The following SPATA6 variants were observed in gnomAD, a reference collection of about 807,000 sequenced individuals.
SPATA6 encodes the protein spermatogenesis associated 6.
A neutral mutation model predicts 65.3 loss-of-function variants in SPATA6; 56 were observed. That is an observed-to-expected ratio of 0.86 (90% confidence interval 0.69 to 1.07). SPATA6 has a LOEUF of 1.07. Ranked by LOEUF, SPATA6 falls within the 50% of genes least tolerant of loss-of-function variation. The probability of loss-of-function intolerance (pLI) is 0.00; values close to 1 mark genes in which losing one functional copy is unlikely to be tolerated. For missense variants in SPATA6, 590 were observed against 594.8 expected, an observed-to-expected ratio of 0.99 and a Z score of 0.08; for synonymous variants, 199 against 213.2, an observed-to-expected ratio of 0.93 and a Z score of 0.58.
At chr1:48,351,851 T>C (rs1646521376) in intron 11 of SPATA6, among the ~76,000 whole-genome samples, 2 of 152,092 alleles carry the variant, frequency 1.3e-5, no homozygotes, top group African/African-American at 2.4e-5. Flanking sequence ...ACTGGTATTG[T>C]GTTCTCCTTA....
intron 9 of SPATA6, among the ~76,000 whole-genome samples, chr1:48,376,684 G>A (rs1013209371): frequency 2.0e-5 from 3 of 151,910 alleles, no homozygotes; most frequent in African/African-American, 4.8e-5. Flanking sequence ...TAACAATGGC[G>A]ATACCTTCTG....
chr1:48,345,951 C>G (rs1021850803), intron 11 of SPATA6, among the ~76,000 whole-genome samples: 2 of 152,052 alleles, frequency 1.3e-5, no homozygotes, highest in Non-Finnish European at 2.9e-5. Flanking sequence ...TGAAACTATT[C>G]CACAAATTTG....
chr1:48,366,050 A>T (rs1252071372), intron 9 of SPATA6, among the ~76,000 whole-genome samples: 1 of 152,216 alleles, frequency 6.6e-6, no homozygotes, highest in East Asian at 1.9e-4. Flanking sequence ...TATTGAGATA[A>T]TCATACGGTA....
chr1:48,313,567 C>T (rs1317675299), intron 11 of SPATA6, among the ~76,000 whole-genome samples: 4 of 152,196 alleles, frequency 2.6e-5, no homozygotes, highest in Non-Finnish European at 5.9e-5. Flanking sequence ...AAAGGAACAA[C>T]TGGTACCAGC....
chr1:48,310,317 C>T (rs541865210), intron 11 of SPATA6, among the ~76,000 whole-genome samples: 21 of 152,244 alleles, frequency 1.4e-4, no homozygotes, highest in African/African-American at 5.1e-4. Flanking sequence ...TTGAAGAAAT[C>T]CTAACTTTAT....
downstream of SPATA6, among the ~76,000 whole-genome samples, chr1:48,292,455 G>A (rs891684027): frequency 6.6e-6 from 1 of 152,244 alleles, no homozygotes; most frequent in Non-Finnish European, 1.5e-5. Context: ...ATAGCAGCAA[G>A]TGCACCTGCA....
At chr1:48,469,300 T>C (rs1658045997) in intron 1 of SPATA6, among the ~76,000 whole-genome samples, 1 of 152,190 alleles carries the variant, frequency 6.6e-6, no homozygotes, top group African/African-American at 2.4e-5. Context: ...CAGTTATTCA[T>C]TGAACTATTC....
intron 11 of SPATA6, among the ~76,000 whole-genome samples, chr1:48,345,940 C>G (rs1011502183): frequency 6.6e-6 from 1 of 152,062 alleles, no homozygotes; most frequent in Non-Finnish European, 1.5e-5. Context: ...ACTATTCTTA[C>G]TGAAACTATT....
At chr1:48,299,261 C>A (rs767158382) in intron 12 of SPATA6, among the ~76,000 whole-genome samples, 13 of 151,922 alleles carry the variant, frequency 8.6e-5, no homozygotes, top group Non-Finnish European at 1.5e-4. Flanking sequence ...CGCCTATAAT[C>A]CCAGCACTTT....
the SPATA6 span, among the ~76,000 whole-genome samples, chr1:48,280,298 C>G: frequency 1.3e-5 from 2 of 152,076 alleles, no homozygotes; most frequent in African/African-American, 4.8e-5. Context: ...CAAACACATT[C>G]AAAAGCTAGC....
chr1:48,374,609 C>T (rs564218195), intron 9 of SPATA6, among the ~76,000 whole-genome samples: 1 of 152,292 alleles, frequency 6.6e-6, no homozygotes, highest in African/African-American at 2.4e-5. Context: ...ACCTGAGCAA[C>T]AGACTGCTCA....
rs76203297 is a variant in SPATA6, at chr1:48,410,457, T to G, written c.405+1007A>C. ...CCAAACTGTTCCTCCATCTGCCCAT[T>G]ACCCAGTTCCAAATTCACTTCCACA... On this transcript the variant is annotated intron_variant, in intron 5 of 12. Coordinates refer to ENST00000371847, the MANE Select transcript of SPATA6 (RefSeq NM_019073.4). Among the ~76,000 whole-genome samples, 150 of 152,320 alleles carry G rather than the reference T, an allele frequency of 9.8e-4. 5 individuals are homozygous for G. The East Asian group carries it at 0.025, about 25-fold the overall frequency.
chr1:48,463,391 G>C (rs1045769666), intron 1 of SPATA6, among the ~76,000 whole-genome samples: 4 of 151,932 alleles, frequency 2.6e-5, no homozygotes, highest in Non-Finnish European at 5.9e-5. Flanking sequence ...TTACACACAC[G>C]TAAATCTTAT....
At position 48,298,747 on chromosome 1, in the gene SPATA6, C is replaced by T. The variant is rs1056042; in HGVS notation, c.1433G>A (p.Cys478Tyr). The change falls in exon 13 of 13, where the codon TGT becomes TAT. Residue 478 changes from cysteine (C) to tyrosine (Y), a missense_variant. Physicochemically the swap from Cys to Tyr is radical, Grantham distance 194. Coordinates refer to ENST00000371847, the MANE Select transcript of SPATA6 (RefSeq NM_019073.4). Reference sequence around the variant, plus strand: ...TTCCTGTGTATGTGAAGCAGAACTACAGGCCTTTTTGTATAAGTTCCTGTA... The same window carrying T: ...TTCCTGTGTATGTGAAGCAGAACTATAGGCCTTTTTGTATAAGTTCCTGTA... ...KMYRNLYKKA[C>Y]SSASHTQESF 637,069 of 1,613,140 alleles carry T rather than the reference C, an allele frequency of 0.39. 131,040 individuals carry two copies. The highest frequency in any genetic ancestry group is 0.42 in the Non-Finnish European group (496,875 of 1,179,442).
At position 48,435,818 on chromosome 1, in the gene SPATA6, CT is replaced by C. The variant is rs897746077; in HGVS notation, c.238+15733del. ...GCGAGCAGGGCTCTGGCGCCCGCCC[CT>C]GTCCGCACCGCTGGCAGCCTGAAGA... On this transcript the variant is annotated intron_variant, in intron 3 of 12. Coordinates refer to ENST00000371847, the MANE Select transcript of SPATA6 (RefSeq NM_019073.4). 31 of 883,916 alleles carry C rather than the reference CT, an allele frequency of 3.5e-5. No homozygotes were observed. The African/African-American group carries it at 5.0e-4, about 14-fold the overall frequency. The allele number at this position is 883,916 out of a possible 1,614,324, so 54.8% of individuals were successfully genotyped here.
the SPATA6 span, among the ~76,000 whole-genome samples, chr1:48,284,579 G>C: frequency 3.3e-5 from 5 of 152,136 alleles, no homozygotes; most frequent in African/African-American, 1.2e-4. Context: ...ATCTACCTTT[G>C]GTCTTTGATG....
At chr1:48,441,173 C>CA (rs1655430434) in intron 3 of SPATA6, among the ~76,000 whole-genome samples, 1 of 152,190 alleles carries the variant, frequency 6.6e-6, no homozygotes, top group Admixed American at 6.5e-5. Context: ...CCAGATGATC[C>CA]AACAACAGGA....
At chr1:48,346,672 A>AGC (rs1646374414) in intron 11 of SPATA6, among the ~76,000 whole-genome samples, 5 of 152,092 alleles carry the variant, frequency 3.3e-5, no homozygotes, top group Non-Finnish European at 5.9e-5. Flanking sequence ...TACACCAACA[A>AGC]TAGTCAAGCT....
In SPATA6 at chr1:48,348,567, C is replaced by T. The variant is rs769478689; in HGVS notation, c.1194+7103G>A. ...TGCTCCATGTTAATCTTGTACTTTCCCTACCCCAGCCCCAGAATTAGCCAT... is the reference window on the plus strand; with the variant it reads ...TGCTCCATGTTAATCTTGTACTTTCTCTACCCCAGCCCCAGAATTAGCCAT... On this transcript the variant is annotated intron_variant, in intron 11 of 12. Coordinates refer to ENST00000371847, the MANE Select transcript of SPATA6 (RefSeq NM_019073.4). Among the ~76,000 whole-genome samples the T allele has an allele frequency of 2.6e-5, 4 of 151,832 alleles. No homozygotes were observed. The Admixed American group carries it at 2.6e-4, about 10-fold the overall frequency.
Sources: gnomAD v4.1 joint callset for allele counts (sites outside exome capture counted in the v4.1 genomes callset) on GRCh38, gnomAD v4.1.1 for gene constraint, MANE v1.5 for transcripts, NCBI Gene and HGNC (gene_info 2026-07-23, HGNC 2026-07-21) for gene names.